Variants in JARID2 observed in about 807,000 individuals in gnomAD.
The protein encoded by JARID2 is jumonji and AT-rich interaction domain containing 2.
A neutral mutation model predicts 125.6 loss-of-function variants in JARID2; 21 were observed. That is an observed-to-expected ratio of 0.17 (90% CI 0.12 to 0.24). JARID2 has a LOEUF of 0.24. JARID2 is among the 10% of genes least tolerant of loss of function. The pLI is 1.00. For missense variants in JARID2, 1,303 were observed against 1,639.6 expected, an observed-to-expected ratio of 0.79 and a Z score of 3.55; for synonymous variants, 736 against 661.6, an observed-to-expected ratio of 1.11 and a Z score of -1.73.
intron 3 of JARID2, 78 bp from the exon 4 acceptor site, chr6:15,451,928 A>G: frequency 1.4e-6 from 2 of 1,393,532 alleles, no homozygotes; most frequent in Middle Eastern, 2.3e-4. Context: ...CTTATGTGTC[A>G]TGATTTTATT....
chr6:15,430,534 A>G (rs549979692), intron 3 of JARID2, among the ~76,000 whole-genome samples: 2 of 152,246 alleles, frequency 1.3e-5, no homozygotes, highest in Non-Finnish European at 2.9e-5. Context: ...TGTTGAGTAT[A>G]TAACAGTATA....
chr6:15,310,224 T>C (rs1404802648), intron 1 of JARID2, among the ~76,000 whole-genome samples: 1 of 152,198 alleles, frequency 6.6e-6, no homozygotes, highest in Non-Finnish European at 1.5e-5. Context: ...GCATGTGATT[T>C]ATGTAAAAAT....
chr6:15,369,380 T>G (rs1764086181), intron 1 of JARID2: 3 of 403,454 alleles, frequency 7.4e-6, no homozygotes, highest in Non-Finnish European at 1.5e-5. Flanking sequence ...AGAAATTCTA[T>G]TATTTTCAAA....
At chr6:15,444,610 G>T (rs1767588065) in intron 3 of JARID2, among the ~76,000 whole-genome samples, 1 of 150,422 alleles carries the variant, frequency 6.6e-6, no homozygotes, top group South Asian at 2.1e-4. Flanking sequence ...GGAAACACAG[G>T]AAATTTTTTT....
intron 2 of JARID2, chr6:15,401,132 A>G: frequency 2.4e-6 from 3 of 1,267,064 alleles, no homozygotes; most frequent in Non-Finnish European, 3.1e-6. Context: ...TCCTGATTAA[A>G]TCCATTGTGG....
intron 1 of JARID2, among the ~76,000 whole-genome samples, chr6:15,321,165 T>A (rs1399375152): frequency 6.6e-6 from 1 of 152,176 alleles, no homozygotes; most frequent in Non-Finnish European, 1.5e-5. Flanking sequence ...TGTTATCAAT[T>A]ACAAAACACC....
intron 2 of JARID2, among the ~76,000 whole-genome samples, chr6:15,401,618 T>C (rs1312021049): frequency 6.6e-6 from 1 of 152,196 alleles, no homozygotes; most frequent in Non-Finnish European, 1.5e-5. Flanking sequence ...TGCAAATAGA[T>C]CCTGAGACCT....
rs200762827 is a variant in JARID2 at position 15,496,861 on chromosome 6, G to A, written c.1636G>A (p.Gly546Ser). The change falls in exon 7 of 18, where the codon GGC (glycine) becomes AGC (serine). Residue 546 changes from glycine (G) to serine (S), a missense_variant. Physicochemically the swap from Gly to Ser is moderately conservative, Grantham distance 56. This residue lies in a region of JARID2 where 651 missense variants were observed against 581.6 expected (regional missense o/e 1.12). Coordinates refer to ENST00000341776, the MANE Select transcript of JARID2 (RefSeq NM_004973.4). ...PQDSGKAEKGGGKAGWAAMDE... is the reference protein window; with the variant it reads ...PQDSGKAEKGSGKAGWAAMDE... Reference sequence around the variant, plus strand: ...GGACTCGGGCAAGGCCGAGAAGGGCGGCGGCAAGGCCGGGTGGGCGGCCAT... The same window carrying A: ...GGACTCGGGCAAGGCCGAGAAGGGCAGCGGCAAGGCCGGGTGGGCGGCCAT... The A allele has an allele frequency of 1.1e-5, 17 of 1,601,138 alleles. No homozygotes were observed. The highest frequency in any genetic ancestry group is 3.4e-5 in the Admixed American group (2 of 59,488).
At chr6:15,464,469 C>A (rs947050236) in intron 4 of JARID2, among the ~76,000 whole-genome samples, 2 of 152,146 alleles carry the variant, frequency 1.3e-5, no homozygotes, top group Non-Finnish European at 2.9e-5. Flanking sequence ...CATGAGTGCT[C>A]CCCCTGGTGG....
intron 1 of JARID2, among the ~76,000 whole-genome samples, chr6:15,298,025 T>C (rs1761475886): frequency 6.6e-6 from 1 of 152,196 alleles, no homozygotes; most frequent in Admixed American, 6.5e-5. Context: ...GTTTAAAATG[T>C]AGTATGTTTT....
At chr6:15,352,058 A>G (rs1763447629) in intron 1 of JARID2, among the ~76,000 whole-genome samples, 1 of 152,174 alleles carries the variant, frequency 6.6e-6, no homozygotes, top group African/African-American at 2.4e-5. Context: ...AATTTTTTTC[A>G]GTAATAGTTC....
chr6:15,409,905 C>T (rs375242106), intron 2 of JARID2, among the ~76,000 whole-genome samples: 3 of 152,202 alleles, frequency 2.0e-5, no homozygotes, highest in East Asian at 3.8e-4. Flanking sequence ...CTCCTTTCTT[C>T]CTTTCAACCC....
rs1051449833 is a variant in JARID2, at chr6:15,410,296, C to A, written c.254C>A (p.Ala85Glu). The change falls in exon 3 of 18, where the codon GCA (alanine) becomes GAA (glutamate). Residue 85 changes from alanine to glutamate, a missense_variant. Around this residue, in one of 11 missense-constraint regions of JARID2, gnomAD observed 93 missense variants for 120.4 expected, o/e 0.77. Coordinates refer to ENST00000341776, the MANE Select transcript of JARID2 (RefSeq NM_004973.4). ...SEQSENEKDD[A>E]SQVSSTSNDV... Reference sequence around the variant, plus strand: ...CAGTCAGAGAATGAAAAGGACGATGCATCCCAAGTGTCCTCCACTAGCAAC... The same window carrying A: ...CAGTCAGAGAATGAAAAGGACGATGAATCCCAAGTGTCCTCCACTAGCAAC... 1 of 1,613,744 alleles carries A rather than the reference C, an allele frequency of 6.2e-7. No homozygotes were observed. The highest frequency in any genetic ancestry group is 8.5e-7 in the Non-Finnish European group (1 of 1,179,760).
intron 3 of JARID2, among the ~76,000 whole-genome samples, chr6:15,443,261 A>G (rs148779751): frequency 2.6e-5 from 4 of 152,260 alleles, no homozygotes; most frequent in Non-Finnish European, 4.4e-5. Flanking sequence ...GCTGATGAAT[A>G]TATTTTTAAG....
chr6:15,402,236 T>C (rs1375123692), intron 2 of JARID2, among the ~76,000 whole-genome samples: 1 of 152,222 alleles, frequency 6.6e-6, no homozygotes, highest in Non-Finnish European at 1.5e-5. Flanking sequence ...CCGATAACTT[T>C]ATGGCACTTG....
At chr6:15,426,929 T>TG (rs35710386) in intron 3 of JARID2, among the ~76,000 whole-genome samples, 7 of 152,146 alleles carry the variant, frequency 4.6e-5, no homozygotes, top group African/African-American at 2.4e-5. Context: ...GCCTGAGTAA[T>TG]GGGGGGTACA....
At chr6:15,319,010 A>C (rs1052843339) in intron 1 of JARID2, among the ~76,000 whole-genome samples, 1 of 152,220 alleles carries the variant, frequency 6.6e-6, no homozygotes, top group African/African-American at 2.4e-5. Context: ...CAGCCTAGAC[A>C]TTCAGTCCAA....
intron 2 of JARID2, among the ~76,000 whole-genome samples, chr6:15,391,043 T>G (rs1213942831): frequency 6.6e-6 from 1 of 152,164 alleles, no homozygotes; most frequent in Non-Finnish European, 1.5e-5. Context: ...AAAAGGGCGA[T>G]CATTATTGAG....
chr6:15,392,724 C>T (rs1042073394), intron 2 of JARID2, among the ~76,000 whole-genome samples: 1 of 149,026 alleles, frequency 6.7e-6, no homozygotes, highest in African/African-American at 2.5e-5. Flanking sequence ...CTTTGTTGCC[C>T]AGGCTGCTGG....
Sources: allele counts gnomAD v4.1 joint callset (sites outside exome capture counted in the v4.1 genomes callset), GRCh38; gene constraint gnomAD v4.1.1; regional missense constraint gnomAD v4.1.1; transcripts MANE v1.5; gene names NCBI Gene and HGNC (gene_info 2026-07-23, HGNC 2026-07-21).